Variants in PCDHGA3 observed in about 807,000 individuals in gnomAD.
The protein encoded by PCDHGA3 is protocadherin gamma-A3.
PCDHGA3 carries 40 observed loss-of-function variants against 58.5 expected under a neutral mutation model. The ratio of observed to expected loss-of-function variants is 0.68; its 90% CI spans 0.53 to 0.89. PCDHGA3 has a LOEUF of 0.89. Ranked by LOEUF, PCDHGA3 falls within the 40% of genes least tolerant of loss-of-function variation. The probability of loss-of-function intolerance (pLI) is 0.00; values close to 1 mark genes in which losing one functional copy is unlikely to be tolerated. For synonymous variants in PCDHGA3, 530 were observed against 525.7 expected (o/e 1.01, Z -0.11); for missense variants, 1,223 against 1,195.9 (o/e 1.02, Z -0.33).
intron 1 of PCDHGA3, chr5:141,351,339 C>G: frequency 1.9e-6 from 3 of 1,613,532 alleles, no homozygotes; most frequent in Non-Finnish European, 2.5e-6. Context: ...GACCTTGGAA[C>G]TGTAATAGCC....
chr5:141,345,770 T>C lies in PCDHGA3; in HGVS notation c.1737T>C (p.Pro579=), dbSNP rs3749774. 203 of 1,613,734 alleles carry C rather than the reference T, an allele frequency of 1.3e-4. No individual in the cohort carries two copies. The highest frequency in any genetic ancestry group is 2.0e-4 in the East Asian group (9 of 44,866). Residue 579 remains proline (P), a synonymous_variant, in exon 1 of 4, where the codon CCT becomes CCC. Transcript: ENST00000253812. ...GTTCCACTGGCGTGGAGCTGGCGCCTCGCTCCGCAGAGCCCGGCTACCTGG... is the reference window on the plus strand; with the variant it reads ...GTTCCACTGGCGTGGAGCTGGCGCCCCGCTCCGCAGAGCCCGGCTACCTGG... ...TDGSTGVELA[P]RSAEPGYLVT...
Position 141,476,165 on chromosome 5 carries a change from G to A in PCDHGA3, c.2425-18642G>A. ...CGGACTGGTAAGCACCGGGAGGGTA[G>A]TGGGAGTTTTGCTTCTGCTTGGTGC... On this transcript the variant is annotated intron_variant, in intron 1 of 3. Coordinates refer to ENST00000253812, the MANE Select transcript of PCDHGA3 (RefSeq NM_018916.4). This position sits in a 1 kb window ranked among gnomAD's most constrained non-coding sequence, Gnocchi z 7.6. 1 of 1,613,228 alleles carries A rather than the reference G, an allele frequency of 6.2e-7. No homozygotes were observed.
At chr5:141,366,323 G>A in intron 1 of PCDHGA3, 1 of 1,613,796 alleles carries the variant, frequency 6.2e-7, no homozygotes, top group Non-Finnish European at 8.5e-7. Flanking sequence ...CGTTGCCGTG[G>A]CCGACAGGAT....
intron 1 of PCDHGA3, among the ~76,000 whole-genome samples, chr5:141,373,439 C>T (rs9324846): frequency 0.027 from 4,173 of 152,294 alleles, 185 homozygotes; most frequent in African/African-American, 0.096. Context: ...GGGAGGATCC[C>T]TTGATCCCAG....
At chr5:141,427,550 C>T (rs1310933864) in intron 1 of PCDHGA3, 1 of 643,730 alleles carries the variant, frequency 1.6e-6, no homozygotes, top group East Asian at 3.2e-5. Context: ...CCATCACTGC[C>T]ACTGACAAGG....
chr5:141,423,233 TC>T, intron 1 of PCDHGA3: 1 of 1,613,860 alleles, frequency 6.2e-7, no homozygotes, highest in Non-Finnish European at 8.5e-7. Flanking sequence ...GCCGACAGCA[TC>T]CCCGAAGTCC....
intron 2 of PCDHGA3, among the ~76,000 whole-genome samples, chr5:141,498,795 T>C (rs2099785702): frequency 6.6e-6 from 1 of 152,032 alleles, no homozygotes; most frequent in Admixed American, 6.6e-5. Context: ...TAGCCAGGTG[T>C]GGTGGTGCAC....
intron 1 of PCDHGA3, among the ~76,000 whole-genome samples, chr5:141,436,491 T>G (rs546883133): frequency 6.6e-6 from 1 of 152,182 alleles, no homozygotes; most frequent in Non-Finnish European, 1.5e-5. Flanking sequence ...GATAGCAGCT[T>G]TGCAATTAGG....
intron 1 of PCDHGA3, chr5:141,409,747 C>T (rs771456718): frequency 1.2e-6 from 2 of 1,612,994 alleles, no homozygotes; most frequent in East Asian, 2.2e-5. Flanking sequence ...GGGTGGTGTT[C>T]GCGCAGCGCG....
chr5:141,389,906 T>A, intron 1 of PCDHGA3: 1 of 1,614,086 alleles, frequency 6.2e-7, no homozygotes, highest in Non-Finnish European at 8.5e-7. Context: ...CGGATATCAC[T>A]GACCGCCCCG....
chr5:141,400,233 C>T lies in PCDHGA3; in HGVS notation c.2424+53776C>T, dbSNP rs373858401. ...TGATCTCAGTGCTCTTCCTCCTGGCCGTGATTCTGGCCGTTGCCTTGCGCC... is the reference window on the plus strand; with the variant it reads ...TGATCTCAGTGCTCTTCCTCCTGGCTGTGATTCTGGCCGTTGCCTTGCGCC... On this transcript the variant is annotated intron_variant, in intron 1 of 3. Coordinates refer to ENST00000253812, the MANE Select transcript of PCDHGA3 (RefSeq NM_018916.4). 100 of 1,613,988 alleles carry T rather than the reference C, an allele frequency of 6.2e-5. 1 individual carries two copies. The African/African-American group carries it at 1.1e-3, about 18-fold the overall frequency.
Position 141,411,472 on chromosome 5 carries a change from T to G in PCDHGA3, c.2424+65015T>G, listed in dbSNP as rs546914871. ...GGTAGCATTCCCCTGTGGTCCCAGC[T>G]ACTTGGGAGGCTGAGCTGGGTGGAT... On this transcript the variant is annotated intron_variant, in intron 1 of 3. Coordinates refer to ENST00000253812, the MANE Select transcript of PCDHGA3 (RefSeq NM_018916.4). 2.6e-5 allele frequency: 4 copies of G among 151,948 alleles called. 1 individual carries two copies. The South Asian group carries it at 8.3e-4, about 32-fold the overall frequency. The allele number at this position is 151,948 out of a possible 1,614,324, so 9.4% of individuals were successfully genotyped here.
intron 1 of PCDHGA3, chr5:141,365,365 C>A (rs761258930): frequency 6.2e-7 from 1 of 1,613,928 alleles, no homozygotes. Context: ...ACAATGCCCC[C>A]GAAGTGATCC....
At chr5:141,372,139 C>A (rs2149999954) in intron 1 of PCDHGA3, 1 of 1,613,756 alleles carries the variant, frequency 6.2e-7, no homozygotes, top group African/African-American at 1.3e-5. Flanking sequence ...CCGCGCTCTG[C>A]AGAGCCTGGC....
chr5:141,449,900 A>G (rs2098658617), intron 1 of PCDHGA3, among the ~76,000 whole-genome samples: 2 of 151,878 alleles, frequency 1.3e-5, no homozygotes, highest in South Asian at 2.1e-4. Context: ...TATTTAGCCT[A>G]TAGTCCATAT....
chr5:141,350,223 C>T lies in PCDHGA3; in HGVS notation c.2424+3766C>T, dbSNP rs1185126722. On this transcript the variant is annotated intron_variant, in intron 1 of 3. Coordinates refer to ENST00000253812, the MANE Select transcript of PCDHGA3 (RefSeq NM_018916.4). ...GGTGCTGCCATTTCTTTTTGAAAAACATCCCAGAGGAAAGAAGCTCCGCGG... is the reference window on the plus strand; with the variant it reads ...GGTGCTGCCATTTCTTTTTGAAAAATATCCCAGAGGAAAGAAGCTCCGCGG... 4 of 1,493,424 alleles carry T rather than the reference C, an allele frequency of 2.7e-6. No individual in the cohort carries two copies. The South Asian group carries it at 5.8e-5, about 22-fold the overall frequency. 92.5% of individuals were successfully genotyped at this position (1,493,424 alleles called of 1,614,324 possible).
chr5:141,373,525 A>G (rs1404075299), intron 1 of PCDHGA3, among the ~76,000 whole-genome samples: 1 of 152,222 alleles, frequency 6.6e-6, no homozygotes, highest in Non-Finnish European at 1.5e-5. Flanking sequence ...TTTGTCTCCA[A>G]AAAAGTGTTT....
At chr5:141,409,219 T>A in intron 1 of PCDHGA3, 1 of 1,614,022 alleles carries the variant, frequency 6.2e-7, no homozygotes, top group Non-Finnish European at 8.5e-7. Context: ...AAATCCTTGA[T>A]GAAAACGACA....
rs924190698 is a variant in PCDHGA3, at chr5:141,344,586, G to A, written c.553G>A (p.Val185Ile). ...NDYFSLAVNS[V>I]SEGAKYPELV... ...CTACTTCTCTCTGGCTGTGAATAGC[G>A]TCTCTGAGGGGGCCAAGTATCCAGA... The change falls in exon 1 of 4, where the codon GTC (valine) becomes ATC (isoleucine). Residue 185 changes from valine to isoleucine, a missense_variant. By Grantham distance (29) the Val-to-Ile change is conservative. Transcript: ENST00000253812. 6 of 1,613,990 alleles carry A rather than the reference G, an allele frequency of 3.7e-6. No individual in the cohort carries two copies. Among genetic ancestry groups the A allele is most frequent in the African/African-American group, 1.3e-5 (1 of 75,038 alleles).
Sources: allele counts gnomAD v4.1 joint callset (sites outside exome capture counted in the v4.1 genomes callset), GRCh38; gene constraint gnomAD v4.1.1; non-coding constraint Gnocchi (gnomAD v3.1); transcripts MANE v1.5; gene names NCBI Gene and HGNC (gene_info 2026-07-23, HGNC 2026-07-21).